Variants in CTNNA2 observed in about 807,000 individuals in gnomAD.
CTNNA2 encodes the protein catenin alpha 2.
CTNNA2 carries 42 observed loss-of-function variants against 101.0 expected under a neutral mutation model. The observed-to-expected ratio is 0.42, with a 90% CI of 0.32 to 0.54. The LOEUF (loss-of-function observed/expected upper bound fraction) is 0.54, where lower values mean the gene tolerates loss of function less well. Among genes scored for constraint, CTNNA2 ranks in the 20% least tolerant of loss-of-function variants. The probability of loss-of-function intolerance (pLI) is 0.14; values close to 1 mark genes in which losing one functional copy is unlikely to be tolerated. For missense variants in CTNNA2, 871 were observed against 1,223.1 expected, an observed-to-expected ratio of 0.71 and a Z score of 4.29; for synonymous variants, 450 against 456.4, an observed-to-expected ratio of 0.99 and a Z score of 0.18.
At chr2:80,283,630 G>C (rs1321994713) in intron 7 of CTNNA2, among the ~76,000 whole-genome samples, 1 of 152,074 alleles carries the variant, frequency 6.6e-6, no homozygotes. Flanking sequence ...TTATTTCAAT[G>C]GGAAGATGTC....
At chr2:79,782,204 C>A (rs1281320850) in intron 3 of CTNNA2, among the ~76,000 whole-genome samples, 3 of 151,992 alleles carry the variant, frequency 2.0e-5, no homozygotes, top group Non-Finnish European at 4.4e-5. Flanking sequence ...AGTTAGCCAA[C>A]TTAAAGCACT....
chr2:79,596,306 T>G (rs1397126175), intron 1 of CTNNA2, among the ~76,000 whole-genome samples: 1 of 151,696 alleles, frequency 6.6e-6, no homozygotes, highest in African/African-American at 2.4e-5. Context: ...TCATTGGAGC[T>G]CAGAGTCAAG....
chr2:80,104,160 C>T (rs1700728490), intron 7 of CTNNA2, among the ~76,000 whole-genome samples: 1 of 152,190 alleles, frequency 6.6e-6, no homozygotes, highest in East Asian at 1.9e-4. Flanking sequence ...ATAACATATG[C>T]AAAGCGCTAG....
At chr2:80,181,364 A>C (rs1705766701) in intron 7 of CTNNA2, among the ~76,000 whole-genome samples, 1 of 152,290 alleles carries the variant, frequency 6.6e-6, no homozygotes, top group Admixed American at 6.5e-5. Flanking sequence ...GAGACTTTTC[A>C]GAATTTAGGA....
chr2:79,494,024 A>C (rs1671230038), intron 4 of CTNNA2: 1 of 152,192 alleles, frequency 6.6e-6, no homozygotes, highest in African/African-American at 2.4e-5. Flanking sequence ...TCTATATATT[A>C]ACAATGAACA....
At chr2:79,526,248 A>G (rs773250618) in intron 1 of CTNNA2, among the ~76,000 whole-genome samples, 1 of 152,050 alleles carries the variant, frequency 6.6e-6, no homozygotes, top group Non-Finnish European at 1.5e-5. Context: ...TTATAAAACA[A>G]TCTATACTGT....
At chr2:80,557,986 G>A (rs971543790) in intron 12 of CTNNA2, among the ~76,000 whole-genome samples, 2 of 152,048 alleles carry the variant, frequency 1.3e-5, no homozygotes, top group African/African-American at 4.8e-5. Context: ...TTAACTAAAG[G>A]CACCTTTCTT....
intron 7 of CTNNA2, among the ~76,000 whole-genome samples, chr2:80,066,255 G>T (rs746504819): frequency 1.3e-5 from 2 of 152,126 alleles, no homozygotes; most frequent in Non-Finnish European, 2.9e-5. Context: ...CACAGCAAAC[G>T]AAACAAGCAA....
intron 3 of CTNNA2, among the ~76,000 whole-genome samples, chr2:79,746,891 A>G (rs562634930): frequency 8.8e-4 from 134 of 152,310 alleles, no homozygotes; most frequent in African/African-American, 3.2e-3. Flanking sequence ...AGACCAGACC[A>G]TGTCTCTTTT....
chr2:79,694,671 G>A (rs1388004665), intron 2 of CTNNA2, among the ~76,000 whole-genome samples: 3 of 151,766 alleles, frequency 2.0e-5, no homozygotes, highest in Admixed American at 6.6e-5. Flanking sequence ...AGTGTTAGAT[G>A]TTAGTGAGGA....
chr2:80,399,831 A>G (rs1403695913), intron 8 of CTNNA2, among the ~76,000 whole-genome samples: 2 of 152,244 alleles, frequency 1.3e-5, no homozygotes, highest in Non-Finnish European at 2.9e-5. Context: ...CACATTTTTC[A>G]GCATGAAATT....
chr2:79,605,755 A>G (rs1210860780), intron 1 of CTNNA2, among the ~76,000 whole-genome samples: 1 of 151,748 alleles, frequency 6.6e-6, no homozygotes, highest in Middle Eastern at 3.2e-3. Flanking sequence ...AATGATGATA[A>G]TAATAATAAT....
intron 9 of CTNNA2, among the ~76,000 whole-genome samples, chr2:80,506,079 G>A (rs1688253530): frequency 6.6e-6 from 1 of 152,170 alleles, no homozygotes; most frequent in Non-Finnish European, 1.5e-5. Context: ...GAAACAAAGA[G>A]TCTTCAAAAG....
chr2:79,700,572 A>G (rs1198162389), intron 2 of CTNNA2, among the ~76,000 whole-genome samples: 3 of 152,132 alleles, frequency 2.0e-5, no homozygotes, highest in African/African-American at 7.2e-5. Flanking sequence ...TAGAATGGCA[A>G]CAACAACAAC....
Position 80,530,747 on chromosome 2 carries a change from A to G in CTNNA2, c.1291-14235A>G. Among the ~76,000 whole-genome samples, 2 of 152,214 alleles carry G rather than the reference A, an allele frequency of 1.3e-5. 1 individual carries two copies. Among genetic ancestry groups the G allele is most frequent in the Non-Finnish European group, 2.9e-5 (2 of 68,028 alleles). ...GTTTAATGAGCCTAAGACAGCAGAT[A>G]TGGAGAACTCTTTGATTTTTTCCCT... On this transcript the variant is annotated intron_variant, in intron 9 of 18. Coordinates refer to ENST00000402739, the MANE Select transcript of CTNNA2 (RefSeq NM_001282597.3).
rs148942674 is a variant in CTNNA2 at position 80,376,298 on chromosome 2, T to C, written c.1057-16913T>C. Among the ~76,000 whole-genome samples the C allele has an allele frequency of 2.4e-3, 361 of 152,274 alleles. 2 individuals are homozygous for C. Among genetic ancestry groups the C allele is most frequent in the African/African-American group, 8.2e-3 (341 of 41,558 alleles). ...TCACACAGAGGTTTCCATCTTGCCTTTCTATTCTATCTGTTTAGGGAACAG... is the reference window on the plus strand; with the variant it reads ...TCACACAGAGGTTTCCATCTTGCCTCTCTATTCTATCTGTTTAGGGAACAG... On this transcript the variant is annotated intron_variant, in intron 7 of 18. Transcript: ENST00000402739.
chr2:80,231,775 T>C (rs1359824484), intron 7 of CTNNA2, among the ~76,000 whole-genome samples: 2 of 152,164 alleles, frequency 1.3e-5, no homozygotes, highest in Non-Finnish European at 1.5e-5. Context: ...CAAAATATAT[T>C]TCTTTGACAT....
intron 3 of CTNNA2, among the ~76,000 whole-genome samples, chr2:79,753,847 A>G (rs76587254): frequency 0.022 from 3,100 of 141,098 alleles, 106 homozygotes; most frequent in African/African-American, 0.078. Flanking sequence ...AAGTTCCACT[A>G]TTTTCTTTTC....
intron 2 of CTNNA2, among the ~76,000 whole-genome samples, chr2:79,710,571 A>G (rs1437003721): frequency 6.6e-6 from 1 of 152,228 alleles, no homozygotes; most frequent in East Asian, 1.9e-4. Flanking sequence ...TGGTGAGAAC[A>G]TTGAGGTTAA....
Sources: allele counts gnomAD v4.1 joint callset (sites outside exome capture counted in the v4.1 genomes callset), GRCh38; gene constraint gnomAD v4.1.1; transcripts MANE v1.5; gene names NCBI Gene and HGNC (gene_info 2026-07-23, HGNC 2026-07-21).